Variants in LINGO2 observed in about 807,000 individuals in gnomAD.
The protein encoded by LINGO2 is leucine rich repeat and Ig domain containing 2, also known as leucine-rich repeat and immunoglobulin-like domain-containing nogo receptor-interacting protein 2.
A neutral mutation model predicts 30.6 loss-of-function variants in LINGO2; 14 were observed. The observed-to-expected ratio is 0.46, with a 90% confidence interval of 0.30 to 0.72. LINGO2 has a LOEUF of 0.72. Ranked by LOEUF, LINGO2 falls within the 30% of genes least tolerant of loss-of-function variation. The probability of loss-of-function intolerance (pLI) is 0.07; values close to 1 mark genes in which losing one functional copy is unlikely to be tolerated. For synonymous variants in LINGO2, 317 were observed against 288.5 expected (o/e 1.10, Z -1.00); for missense variants, 729 against 751.7 (o/e 0.97, Z 0.35).
chr9:28,251,882 A>T (rs1329117604), intron 4 of LINGO2, among the ~76,000 whole-genome samples: 3 of 152,142 alleles, frequency 2.0e-5, no homozygotes, highest in Non-Finnish European at 4.4e-5. Context: ...ACAAAGCTGC[A>T]AATTGTATAC....
Position 28,276,796 on chromosome 9 carries a change from T to C in LINGO2, c.-87+18412A>G, listed in dbSNP as rs533633265. Among the ~76,000 whole-genome samples, 7 of 152,326 alleles carry C rather than the reference T, an allele frequency of 4.6e-5. No individual in the cohort carries two copies. The East Asian group carries it at 9.6e-4, about 21-fold the overall frequency. On this transcript the variant is annotated intron_variant, in intron 4 of 5. Coordinates refer to ENST00000379992, the Ensembl canonical transcript of LINGO2. ...GGGGATAAAATGCATCTATCCCTTT[T>C]TGTTCTTTTATATTAAAAGACAAAC...
At chr9:28,209,991 C>A (rs1587231577) in intron 4 of LINGO2, among the ~76,000 whole-genome samples, 1 of 151,874 alleles carries the variant, frequency 6.6e-6, no homozygotes, top group East Asian at 1.9e-4. Flanking sequence ...TCAAAAGAAT[C>A]TCCAATTAAC....
At chr9:28,739,071 A>C in the LINGO2 span, among the ~76,000 whole-genome samples, 2 of 151,992 alleles carry the variant, frequency 1.3e-5, no homozygotes, top group Non-Finnish European at 2.9e-5. Flanking sequence ...ATGATTTATA[A>C]AAGTCCATTC....
chr9:28,107,081 TC>T (rs1826616879), intron 4 of LINGO2, among the ~76,000 whole-genome samples: 2 of 152,106 alleles, frequency 1.3e-5, no homozygotes, highest in Admixed American at 6.6e-5. Flanking sequence ...GGATCTCACT[TC>T]CCTCCTCCAG....
the LINGO2 span, among the ~76,000 whole-genome samples, chr9:29,023,485 T>C: frequency 6.6e-6 from 1 of 152,118 alleles, no homozygotes; most frequent in Non-Finnish European, 1.5e-5. Flanking sequence ...TCATTGAATC[T>C]AGTTAGCACT....
chr9:28,438,166 C>T (rs1437163712), intron 2 of LINGO2, among the ~76,000 whole-genome samples: 1 of 152,084 alleles, frequency 6.6e-6, no homozygotes, highest in Non-Finnish European at 1.5e-5. Flanking sequence ...GTCTTTTTCT[C>T]TCCCAAACCA....
intron 1 of LINGO2, among the ~76,000 whole-genome samples, chr9:28,642,180 G>A (rs751424644): frequency 5.9e-5 from 9 of 151,620 alleles, no homozygotes; most frequent in Admixed American, 2.0e-4. Context: ...ATACTGTAAA[G>A]TTCATTGTGA....
intron 4 of LINGO2, among the ~76,000 whole-genome samples, chr9:28,276,904 T>C (rs1457070952): frequency 6.6e-6 from 1 of 152,184 alleles, no homozygotes; most frequent in Non-Finnish European, 1.5e-5. Context: ...TCCTTCTCTC[T>C]TCCTAAGATT....
intron 1 of LINGO2, among the ~76,000 whole-genome samples, chr9:28,499,800 C>A (rs1183063299): frequency 1.3e-5 from 2 of 152,184 alleles, no homozygotes; most frequent in Non-Finnish European, 2.9e-5. Context: ...CAGAACTTCT[C>A]TCTCCTACAA....
At chr9:28,103,867 T>C (rs1826489570) in intron 4 of LINGO2, among the ~76,000 whole-genome samples, 1 of 152,142 alleles carries the variant, frequency 6.6e-6, no homozygotes, top group Non-Finnish European at 1.5e-5. Flanking sequence ...CTTTAAAAAG[T>C]CTTTTTCTTT....
At chr9:28,346,974 A>C (rs1044012958) in intron 3 of LINGO2, among the ~76,000 whole-genome samples, 13 of 152,042 alleles carry the variant, frequency 8.6e-5, no homozygotes, top group Admixed American at 8.5e-4. Context: ...CCCATTCTGT[A>C]GGTTGTCTGT....
At chr9:28,667,009 A>G (rs933303729) in intron 1 of LINGO2, among the ~76,000 whole-genome samples, 7 of 152,218 alleles carry the variant, frequency 4.6e-5, no homozygotes, top group African/African-American at 1.4e-4. Context: ...TAAAATGTAT[A>G]TAAAGGCTAT....
the LINGO2 span, among the ~76,000 whole-genome samples, chr9:28,759,783 C>A: frequency 7.2e-5 from 11 of 152,006 alleles, no homozygotes; most frequent in African/African-American, 2.7e-4. Context: ...TCCAGTAGTA[C>A]TGAGTTCAGA....
upstream of LINGO2, among the ~76,000 whole-genome samples, chr9:28,671,005 ATC>A (rs1236279150): frequency 6.6e-6 from 1 of 152,180 alleles, no homozygotes; most frequent in Non-Finnish European, 1.5e-5. Context: ...ATTTTCTCCC[ATC>A]TACTTGATAA....
intron 1 of LINGO2, among the ~76,000 whole-genome samples, chr9:28,494,821 T>C (rs2135283491): frequency 6.6e-6 from 1 of 152,344 alleles, no homozygotes; most frequent in East Asian, 1.9e-4. Context: ...TGAACAACTT[T>C]ACAGTCCCAC....
intron 4 of LINGO2, among the ~76,000 whole-genome samples, chr9:28,067,541 C>T (rs1825350796): frequency 6.6e-6 from 1 of 152,090 alleles, no homozygotes; most frequent in Admixed American, 6.6e-5. Flanking sequence ...AGCTGTGTGA[C>T]CTCGGACGAT....
chr9:29,082,086 T>G, the LINGO2 span, among the ~76,000 whole-genome samples: 1 of 151,880 alleles, frequency 6.6e-6, no homozygotes, highest in African/African-American at 2.4e-5. Context: ...TACTTTAAAG[T>G]TCATATGGAA....
At chr9:28,270,209 T>C (rs1478006038) in intron 4 of LINGO2, among the ~76,000 whole-genome samples, 3 of 152,054 alleles carry the variant, frequency 2.0e-5, no homozygotes, top group African/African-American at 7.2e-5. Flanking sequence ...AAGCATTTTA[T>C]TTGAATACCA....
intron 4 of LINGO2, among the ~76,000 whole-genome samples, chr9:28,059,837 A>G (rs1424288575): frequency 1.3e-5 from 2 of 151,974 alleles, no homozygotes; most frequent in African/African-American, 4.8e-5. Flanking sequence ...ACGCTTCTAA[A>G]CAATGGTTTG....
Sources: gnomAD v4.1 joint callset for allele counts (sites outside exome capture counted in the v4.1 genomes callset) on GRCh38, gnomAD v4.1.1 for gene constraint, MANE v1.5 for transcripts, NCBI Gene and HGNC (gene_info 2026-07-23, HGNC 2026-07-21) for gene names.